The following TTC23L variants were observed in gnomAD, a reference collection of about 807,000 sequenced individuals.
TTC23L encodes the protein tetratricopeptide repeat domain 23 like, also known as tetratricopeptide repeat protein 23-like.
Under a neutral mutation model 48.1 loss-of-function variants are expected in TTC23L, and 42 were observed. The ratio of observed to expected loss-of-function variants is 0.87; its 90% confidence interval spans 0.68 to 1.13. TTC23L has a LOEUF of 1.13. Ranked by LOEUF, TTC23L falls within the 50% of genes most tolerant of loss-of-function variation. TTC23L has a pLI of 0.00. For missense variants in TTC23L, 391 were observed against 421.0 expected (o/e 0.93, Z 0.62); for synonymous variants, 159 against 157.2 (o/e 1.01, Z -0.09).
At chr5:34,864,207 C>T (rs1760883131) in intron 5 of TTC23L, among the ~76,000 whole-genome samples, 1 of 152,318 alleles carries the variant, frequency 6.6e-6, no homozygotes. Flanking sequence ...TGCCTACCTA[C>T]TCTAGTCTTG....
chr5:34,852,819 A>T (rs1467201144), intron 4 of TTC23L, among the ~76,000 whole-genome samples: 3 of 152,150 alleles, frequency 2.0e-5, no homozygotes, highest in Non-Finnish European at 4.4e-5. Flanking sequence ...AGGTTTATGG[A>T]TTCACAGTTT....
At chr5:34,923,862 TA>T in the TTC23L span, among the ~76,000 whole-genome samples, 1 of 152,242 alleles carries the variant, frequency 6.6e-6, no homozygotes, top group African/African-American at 2.4e-5. Flanking sequence ...TACCTACTTC[TA>T]TTCATGACTG....
intron 8 of TTC23L, among the ~76,000 whole-genome samples, chr5:34,871,747 GAGAT>G (rs1186110092): frequency 6.6e-6 from 1 of 152,150 alleles, no homozygotes; most frequent in Non-Finnish European, 1.5e-5. Flanking sequence ...ATCTCTAACA[GAGAT>G]AGAGTTATTG....
chr5:34,904,131 T>C (rs1763574348), downstream of TTC23L, among the ~76,000 whole-genome samples: 1 of 146,808 alleles, frequency 6.8e-6, no homozygotes, highest in South Asian at 2.2e-4. Context: ...CCTGGCTAAT[T>C]AAAAAAAAAA....
At chr5:34,921,911 A>C in the TTC23L span, 15 of 161,310 alleles carry the variant, frequency 9.3e-5, no homozygotes, top group South Asian at 2.0e-4. Flanking sequence ...GCATCGCAAA[A>C]AAAAAAAAAA....
At chr5:34,886,580 C>T (rs1283980466) in intron 9 of TTC23L, among the ~76,000 whole-genome samples, 2 of 152,068 alleles carry the variant, frequency 1.3e-5, no homozygotes, top group African/African-American at 2.4e-5. Flanking sequence ...TACATTTTCC[C>T]CTGGGCTTGT....
chr5:34,894,480 G>C (rs1013661846), intron 9 of TTC23L, among the ~76,000 whole-genome samples: 1 of 152,146 alleles, frequency 6.6e-6, no homozygotes, highest in Non-Finnish European at 1.5e-5. Context: ...TATGTAGTTA[G>C]TGCAAAGGAC....
chr5:34,882,548 G>T (rs1360437146), intron 9 of TTC23L, among the ~76,000 whole-genome samples: 1 of 151,616 alleles, frequency 6.6e-6, no homozygotes, highest in Non-Finnish European at 1.5e-5. Flanking sequence ...CAAGCTTCAT[G>T]TGAGGCTCTA....
the TTC23L span, chr5:34,911,569 T>A: frequency 3.6e-5 from 58 of 1,614,044 alleles, no homozygotes; most frequent in Middle Eastern, 1.6e-4. Flanking sequence ...ATAAGGCTTG[T>A]CAGGAGACAT....
At chr5:34,854,904 T>C (rs559652395) in intron 4 of TTC23L, among the ~76,000 whole-genome samples, 14 of 152,306 alleles carry the variant, frequency 9.2e-5, no homozygotes, top group African/African-American at 3.4e-4. Context: ...GCCATGTAAT[T>C]GATTTAAATA....
intron 4 of TTC23L, 95 bp downstream of exon 4, chr5:34,850,403 C>T (rs1759578367): frequency 2.1e-6 from 3 of 1,456,906 alleles, no homozygotes; most frequent in Non-Finnish European, 2.8e-6. Context: ...CTAGGAGGGC[C>T]CCTTCTTGCC....
rs145804159 is a variant in TTC23L at position 34,843,221 on chromosome 5, G to A, written c.69-2266G>A. ...ACAGTAAAATATCTGGGAAATAATC[G>A]GATAATTTATATCGAACATTACTAA... On this transcript the variant is annotated intron_variant, in intron 2 of 10. Transcript: ENST00000505624. Among the ~76,000 whole-genome samples, 356 of 152,206 alleles carry A rather than the reference G, an allele frequency of 2.3e-3. 3 individuals carry two copies. Among genetic ancestry groups the A allele is most frequent in the African/African-American group, 7.5e-3 (310 of 41,538 alleles).
the TTC23L span, among the ~76,000 whole-genome samples, chr5:34,911,346 C>T: frequency 6.6e-6 from 1 of 152,090 alleles, no homozygotes; most frequent in Non-Finnish European, 1.5e-5. Context: ...ATCTAGATGC[C>T]ACCACCACCT....
chr5:34,902,824 C>T (rs1222684253), downstream of TTC23L, among the ~76,000 whole-genome samples: 1 of 152,114 alleles, frequency 6.6e-6, no homozygotes, highest in Non-Finnish European at 1.5e-5. Context: ...CTTGGCCTAT[C>T]ATTGTTCATT....
At chr5:34,882,033 C>T (rs565990259) in intron 9 of TTC23L, among the ~76,000 whole-genome samples, 3 of 152,220 alleles carry the variant, frequency 2.0e-5, no homozygotes, top group East Asian at 1.9e-4. Flanking sequence ...AGATTAGAGG[C>T]GTGAGCCACA....
chr5:34,879,415 CATTAAA>C (rs1762069001), intron 8 of TTC23L, among the ~76,000 whole-genome samples: 2 of 152,062 alleles, frequency 1.3e-5, no homozygotes, highest in South Asian at 4.1e-4. Flanking sequence ...AAAGACACAA[CATTAAA>C]ATTAAATTTT....
At chr5:34,925,457 A>G in the TTC23L span, 2 of 1,613,892 alleles carry the variant, frequency 1.2e-6, no homozygotes, top group Non-Finnish European at 1.7e-6. Context: ...AAGGCAAAGA[A>G]AAATGAAACA....
the TTC23L span, among the ~76,000 whole-genome samples, chr5:34,924,127 A>G: frequency 6.6e-6 from 1 of 152,258 alleles, no homozygotes; most frequent in East Asian, 1.9e-4. Flanking sequence ...TGAGTCACAC[A>G]GTGACTCATT....
intron 9 of TTC23L, among the ~76,000 whole-genome samples, chr5:34,894,081 A>C (rs1252434605): frequency 1.3e-5 from 2 of 152,142 alleles, no homozygotes; most frequent in African/African-American, 2.4e-5. Context: ...TCTTGATTGC[A>C]CCTTTTTGGT....
Sources: gnomAD v4.1 joint callset for allele counts (sites outside exome capture counted in the v4.1 genomes callset) on GRCh38, gnomAD v4.1.1 for gene constraint, MANE v1.5 for transcripts, NCBI Gene and HGNC (gene_info 2026-07-23, HGNC 2026-07-21) for gene names.